Variants in TUB observed in about 807,000 individuals in gnomAD.
TUB encodes the protein tubby protein homolog.
In TUB, 33 loss-of-function variants were observed where a neutral mutation model predicts 59.7. The ratio of observed to expected loss-of-function variants is 0.55; its 90% CI spans 0.42 to 0.74. TUB has a LOEUF of 0.74. Among genes scored for constraint, TUB ranks in the 30% least tolerant of loss-of-function variants. The pLI, the probability that TUB is intolerant of heterozygous loss-of-function variation, is 0.00. For synonymous variants in TUB, 293 were observed against 256.4 expected, an observed-to-expected ratio of 1.14 and a Z score of -1.36; for missense variants, 659 against 672.0, an observed-to-expected ratio of 0.98 and a Z score of 0.21.
intron 1 of TUB, among the ~76,000 whole-genome samples, chr11:8,085,192 G>A (rs1299821972): frequency 6.6e-6 from 1 of 152,196 alleles, no homozygotes; most frequent in African/African-American, 2.4e-5. Context: ...GTTCTTTAGA[G>A]ATCACCAGCT....
At chr11:8,049,089 C>G (rs1025486855) in intron 2 of TUB, among the ~76,000 whole-genome samples, 2 of 152,180 alleles carry the variant, frequency 1.3e-5, no homozygotes, top group African/African-American at 2.4e-5. Context: ...GTGCTCTTAC[C>G]TGCTTTGCCA....
At chr11:8,026,485 T>A (rs888617754) in intron 1 of TUB, among the ~76,000 whole-genome samples, 1 of 132,498 alleles carries the variant, frequency 7.5e-6, no homozygotes, top group Non-Finnish European at 1.7e-5. Context: ...AAAAAAAAAA[T>A]GGGTATCTAA....
At chr11:8,063,507 C>T (rs1051302836) in intron 2 of TUB, among the ~76,000 whole-genome samples, 20 of 152,150 alleles carry the variant, frequency 1.3e-4, no homozygotes, top group Non-Finnish European at 1.6e-4. Flanking sequence ...CCCAAGGATG[C>T]ACATTCATTT....
intron 1 of TUB, among the ~76,000 whole-genome samples, chr11:8,085,095 C>T (rs1943640093): frequency 6.6e-6 from 1 of 152,314 alleles, no homozygotes; most frequent in South Asian, 2.1e-4. Flanking sequence ...CGTTCTGCTG[C>T]TAGGTTCGGC....
chr11:8,095,741 T>C, intron 5 of TUB, 76 bp downstream of exon 5: 2 of 1,468,130 alleles, frequency 1.4e-6, no homozygotes, highest in South Asian at 2.6e-5. Flanking sequence ...TCTGGGAGCA[T>C]GGCCTTCCTG....
intron 1 of TUB, among the ~76,000 whole-genome samples, chr11:8,029,557 C>G (rs1589920237): frequency 6.6e-6 from 1 of 151,878 alleles, no homozygotes; most frequent in African/African-American, 2.4e-5. Context: ...CCTGGCTAAT[C>G]TTTGTATTTT....
intron 2 of TUB, among the ~76,000 whole-genome samples, chr11:8,057,919 G>A (rs1346333081): frequency 6.6e-6 from 1 of 152,104 alleles, no homozygotes; most frequent in African/African-American, 2.4e-5. Context: ...TGAAACAGTT[G>A]TTATGGAGGC....
At chr11:8,049,584 TAGATAG>T (rs1285703350) in intron 2 of TUB, among the ~76,000 whole-genome samples, 22 of 138,656 alleles carry the variant, frequency 1.6e-4, no homozygotes, top group East Asian at 4.1e-4. Context: ...TATATATAGA[TAGATAG>T]ATAGATAGAT....
At position 8,100,918 on chromosome 11, in the gene TUB, A is replaced by C; in HGVS notation, c.1308A>C (p.Thr436=). The C allele has an allele frequency of 6.2e-7, 1 of 1,614,166 alleles. No individual in the cohort carries two copies. The highest frequency in any genetic ancestry group is 8.5e-7 in the Non-Finnish European group (1 of 1,180,018). ...QNKTPVWNDD[T]QSYVLNFHGR... is the part of the protein sequence containing the mutation. ...AGACACCTGTCTGGAATGATGACAC[A>C]CAGTCCTATGTACTCAACTTCCATG... Residue 436 remains threonine, a synonymous_variant, in exon 11 of 12, where the codon ACA becomes ACC. Transcript: ENST00000299506.
At chr11:8,098,966 A>C in intron 9 of TUB, 91 bp downstream of exon 9, 2 of 954,984 alleles carry the variant, frequency 2.1e-6, no homozygotes, top group Non-Finnish European at 3.4e-6. Context: ...CATCCATCTT[A>C]GTGGGTAGAC....
chr11:8,081,493 G>T lies in TUB; in HGVS notation c.-18G>T. 1 of 1,514,820 alleles carries T rather than the reference G, an allele frequency of 6.6e-7. No individual in the cohort carries two copies. Among genetic ancestry groups the T allele is most frequent in the Non-Finnish European group, 8.8e-7 (1 of 1,138,130 alleles). 93.8% of individuals were successfully genotyped at this position (1,514,820 alleles called of 1,614,324 possible). A position where few individuals can be genotyped will look rare whatever the true frequency, so the allele number is the denominator to read the frequency against. Reference sequence around the variant, plus strand: ...CCCGGCCTCCAGAGCCGCAGCCACCGCCCCGCCCCCGAGAGACATGACTTC... The same window carrying T: ...CCCGGCCTCCAGAGCCGCAGCCACCTCCCCGCCCCCGAGAGACATGACTTC... On this transcript the variant is annotated 5_prime_UTR_variant, in exon 1 of 12. Coordinates refer to ENST00000299506, the MANE Select transcript of TUB (RefSeq NM_177972.3).
chr11:8,071,202 G>GTGTGACTGGGTGAGGGTGGGTC (rs1943354278), intron 2 of TUB, among the ~76,000 whole-genome samples: 1 of 152,166 alleles, frequency 6.6e-6, no homozygotes, highest in Non-Finnish European at 1.5e-5. Flanking sequence ...TCTTCTGGGT[G>GTGTGACTGGGTGAGGGTGGGTC]TGTGACTGGG....
intron 1 of TUB, among the ~76,000 whole-genome samples, chr11:8,023,080 G>A (rs531974734): frequency 2.6e-5 from 4 of 152,118 alleles, no homozygotes; most frequent in Admixed American, 2.0e-4. Flanking sequence ...CTGGTGCTCC[G>A]GCTGGGAAGG....
chr11:8,035,676 A>G (rs2133719373), upstream of TUB: 2 of 152,426 alleles, frequency 1.3e-5, no homozygotes, highest in South Asian at 2.1e-4. Context: ...TAACTGGAGG[A>G]CAGAACATGC....
chr11:8,082,464 A>G (rs758357095), intron 1 of TUB, among the ~76,000 whole-genome samples: 1 of 152,182 alleles, frequency 6.6e-6, no homozygotes, highest in Non-Finnish European at 1.5e-5. Context: ...GCTCATCGCC[A>G]TGGCAGCGCC....
chr11:8,089,712 T>G, intron 2 of TUB, 51 bp downstream of exon 2: 38 of 1,599,498 alleles, frequency 2.4e-5, no homozygotes, highest in Non-Finnish European at 2.9e-5. Context: ...CTGGGATCTC[T>G]GAGGGCAGAG....
At chr11:8,080,085 G>A (rs1943516592), upstream of TUB, among the ~76,000 whole-genome samples, 1 of 152,296 alleles carries the variant, frequency 6.6e-6, no homozygotes, top group Middle Eastern at 3.4e-3. Flanking sequence ...GTAGCCCCAG[G>A]GCAGCAGGAT....
At chr11:8,068,399 T>C (rs7114018) in intron 2 of TUB, 95,088 of 152,184 alleles carry the variant, frequency 0.62, 31,380 homozygotes, top group African/African-American at 0.84. Flanking sequence ...TCCCCTCCCT[T>C]ACAGGCGGGA....
chr11:8,038,422 A>G (rs1942682490), upstream of TUB, among the ~76,000 whole-genome samples: 1 of 152,170 alleles, frequency 6.6e-6, no homozygotes, highest in Non-Finnish European at 1.5e-5. Context: ...TGCCCCTCCC[A>G]GCACACAGCC....
Sources: allele counts gnomAD v4.1 joint callset (sites outside exome capture counted in the v4.1 genomes callset), GRCh38; gene constraint gnomAD v4.1.1; transcripts MANE v1.5; gene names NCBI Gene and HGNC (gene_info 2026-07-23, HGNC 2026-07-21).